ETS1: variants seen among roughly 807,000 people sequenced by gnomAD.
ETS1 encodes the protein protein C-ets-1.
A neutral mutation model predicts 58.6 loss-of-function variants in ETS1; 15 were observed. The ratio of observed to expected loss-of-function variants is 0.26; its 90% confidence interval spans 0.17 to 0.39. The LOEUF (loss-of-function observed/expected upper bound fraction) is 0.39, where lower values mean the gene tolerates loss of function less well. Among genes scored for constraint, ETS1 ranks in the 10% least tolerant of loss-of-function variants. The pLI, the probability that ETS1 is intolerant of heterozygous loss-of-function variation, is 1.00. For synonymous variants in ETS1, 214 were observed against 218.2 expected (o/e 0.98, Z 0.17); for missense variants, 417 against 610.5 (o/e 0.68, Z 3.34).
chr11:128,484,223 C>G (rs968057592), intron 7 of ETS1, among the ~76,000 whole-genome samples: 2 of 152,184 alleles, frequency 1.3e-5, no homozygotes, highest in South Asian at 4.1e-4. Context: ...TGGCCACCTC[C>G]GTCCCTGGTC....
chr11:128,573,249 CCAACCAGTT>C (rs200954415), intron 1 of ETS1, 105 bp from the exon 2 acceptor site: 1 of 752,136 alleles, frequency 1.3e-6, no homozygotes, highest in East Asian at 2.7e-5. Flanking sequence ...TCCTTAGGAG[CCAACCAGTT>C]CACTTCTTTG....
Position 128,562,155 on chromosome 11 carries a change from C to T in ETS1, c.70-5720G>A, listed in dbSNP as rs1483594341. On this transcript the variant is annotated intron_variant, in intron 2 of 9. Transcript: ENST00000392668. ...CGGTGGCTCACGCCTATAATCCCAG[C>T]ACTTTGGGAGGCCGGGAGGCCAAGG... Among the ~76,000 whole-genome samples the T allele has an allele frequency of 2.0e-5, 3 of 152,322 alleles. No homozygotes were observed. The East Asian group carries it at 5.8e-4, about 29-fold the overall frequency.
In ETS1 at chr11:128,522,400, G is replaced by C. The variant is rs1226056350; in HGVS notation, c.215-31824C>G. On this transcript the variant is annotated intron_variant, in intron 3 of 9. Coordinates refer to ENST00000392668, the MANE Select transcript of ETS1 (RefSeq NM_001143820.2). ...GCGCCGCGTCTCGGCCGCTGGGTCC[G>C]CGCGCCCTGGGCCGGGCGATGTCCG... 3 of 962,756 alleles carry C rather than the reference G, an allele frequency of 3.1e-6. No homozygotes were observed. The East Asian group carries it at 3.4e-4, about 109-fold the overall frequency. The allele number at this position is 962,756 out of a possible 1,614,324, so 59.6% of individuals were successfully genotyped here. A position where few individuals can be genotyped will look rare whatever the true frequency, so the allele number is the denominator to read the frequency against.
At chr11:128,559,808 A>G (rs749603413) in intron 2 of ETS1, among the ~76,000 whole-genome samples, 3 of 152,244 alleles carry the variant, frequency 2.0e-5, no homozygotes, top group Non-Finnish European at 4.4e-5. Context: ...GTTGAGGAGA[A>G]AAAAAGCAGG....
At chr11:128,553,758 T>C (rs1864268473) in intron 3 of ETS1, among the ~76,000 whole-genome samples, 1 of 152,000 alleles carries the variant, frequency 6.6e-6, no homozygotes, top group South Asian at 2.1e-4. Context: ...CTGAAAAGGC[T>C]TGCTCATTCC....
chr11:128,520,879 G>A (rs1415105960), intron 3 of ETS1, among the ~76,000 whole-genome samples: 1 of 152,164 alleles, frequency 6.6e-6, no homozygotes, highest in Non-Finnish European at 1.5e-5. Flanking sequence ...AACCACAGGG[G>A]GCAGCAACTA....
At position 128,472,817 on chromosome 11, in the gene ETS1, C is replaced by T. The variant is rs1290616572; in HGVS notation, c.1123+7374G>A. On this transcript the variant is annotated intron_variant, in intron 8 of 9. Coordinates refer to ENST00000392668, the MANE Select transcript of ETS1 (RefSeq NM_001143820.2). The stretch of plus-strand genomic sequence containing the variant: ...CCTCCTTCCAGACCTGCAGCATGGT[C>T]TGAAGGTTCCGCTGCCTTCTCTTCG... Among the ~76,000 whole-genome samples the T allele has an allele frequency of 5.3e-5, 8 of 152,246 alleles. No individual in the cohort carries two copies. In the East Asian group the frequency reaches 1.5e-3, roughly 29 times the overall value.
chr11:128,503,359 G>C (rs922679783), intron 3 of ETS1, among the ~76,000 whole-genome samples: 1 of 152,092 alleles, frequency 6.6e-6, no homozygotes, highest in African/African-American at 2.4e-5. Flanking sequence ...TGGTTAAAAG[G>C]GATGCATCAC....
At chr11:128,562,506 C>T (rs766798158) in intron 2 of ETS1, among the ~76,000 whole-genome samples, 1 of 152,128 alleles carries the variant, frequency 6.6e-6, no homozygotes, top group African/African-American at 2.4e-5. Flanking sequence ...CTTCTCTGCT[C>T]GTCATATGCA....
At chr11:128,485,849 T>A (rs910642908) in intron 6 of ETS1, among the ~76,000 whole-genome samples, 3 of 152,124 alleles carry the variant, frequency 2.0e-5, no homozygotes, top group African/African-American at 7.2e-5. Context: ...CAGAGAAGGA[T>A]CCTAGTGTGT....
At chr11:128,551,551 C>A (rs1864229951) in intron 3 of ETS1, among the ~76,000 whole-genome samples, 1 of 152,190 alleles carries the variant, frequency 6.6e-6, no homozygotes, top group Non-Finnish European at 1.5e-5. Context: ...AACTTTATGT[C>A]ATAAATAAGT....
intron 3 of ETS1, among the ~76,000 whole-genome samples, chr11:128,543,172 A>C (rs1163239255): frequency 6.6e-6 from 1 of 151,688 alleles, no homozygotes; most frequent in African/African-American, 2.4e-5. Context: ...CAGTCCTGGC[A>C]ACAAGAGCGA....
chr11:128,470,702 T>A (rs1862164418), intron 8 of ETS1, among the ~76,000 whole-genome samples: 2 of 152,052 alleles, frequency 1.3e-5, no homozygotes, highest in South Asian at 4.1e-4. Flanking sequence ...TAAAAAAAAT[T>A]GTAAAAGCAC....
At chr11:128,552,466 T>C (rs145949104) in intron 3 of ETS1, among the ~76,000 whole-genome samples, 6 of 152,366 alleles carry the variant, frequency 3.9e-5, no homozygotes, top group Admixed American at 3.9e-4. Flanking sequence ...GTGTTTCCTA[T>C]GTTCTCTAGC....
intron 3 of ETS1, chr11:128,536,687 T>C (rs1203786189): frequency 1.3e-5 from 2 of 152,186 alleles, no homozygotes; most frequent in Non-Finnish European, 2.9e-5. Context: ...AGCTTGGAAT[T>C]GGTTGAAGGG....
intron 3 of ETS1, among the ~76,000 whole-genome samples, chr11:128,538,849 T>C (rs543958851): frequency 6.6e-6 from 1 of 152,178 alleles, no homozygotes; most frequent in South Asian, 2.1e-4. Flanking sequence ...GTGAGCAGTA[T>C]TGAGGAACCA....
rs528265280 is a variant in ETS1, at chr11:128,474,390, GA to G, written c.1123+5800del. ...TTCCACGTTTTTTAAAAGACATTTAGAAAAAAAAAAGTTCATAGTGAGGACG... is the reference window on the plus strand; with the variant it reads ...TTCCACGTTTTTTAAAAGACATTTAGAAAAAAAAAGTTCATAGTGAGGACG... On this transcript the variant is annotated intron_variant, in intron 8 of 9. Transcript: ENST00000392668. 5.8e-3 allele frequency among the ~76,000 whole-genome samples: 857 copies of G among 148,728 alleles called. 17 individuals are homozygous for G. Among genetic ancestry groups the G allele is most frequent in the South Asian group, 0.031 (146 of 4,738 alleles).
intron 1 of ETS1, among the ~76,000 whole-genome samples, chr11:128,583,936 T>C (rs925880480): frequency 6.6e-6 from 1 of 152,220 alleles, no homozygotes; most frequent in African/African-American, 2.4e-5. Flanking sequence ...GATACCATTT[T>C]TTTCTACCTG....
intron 3 of ETS1, among the ~76,000 whole-genome samples, chr11:128,503,742 A>C (rs1863151733): frequency 6.6e-6 from 1 of 152,152 alleles, no homozygotes; most frequent in Admixed American, 6.5e-5. Context: ...ATCCCAGTGT[A>C]ATTCACAAGA....
Sources: allele counts gnomAD v4.1 joint callset (sites outside exome capture counted in the v4.1 genomes callset), GRCh38; gene constraint gnomAD v4.1.1; transcripts MANE v1.5; gene names NCBI Gene and HGNC (gene_info 2026-07-23, HGNC 2026-07-21).